MAD1L1: variants seen among roughly 807,000 people sequenced by gnomAD.
The protein encoded by MAD1L1 is mitotic arrest deficient 1 like 1, also known as mitotic spindle assembly checkpoint protein MAD1.
Under a neutral mutation model 96.9 loss-of-function variants are expected in MAD1L1, and 95 were observed. That is an observed-to-expected ratio of 0.98 (90% CI 0.83 to 1.16). MAD1L1 has a LOEUF of 1.16. Among genes scored for constraint, MAD1L1 ranks in the 50% most tolerant of loss-of-function variants. The pLI is 0.00. For missense variants in MAD1L1, 1,007 were observed against 954.4 expected, an observed-to-expected ratio of 1.06 and a Z score of -0.73; for synonymous variants, 473 against 396.6, an observed-to-expected ratio of 1.19 and a Z score of -2.29.
intron 12 of MAD1L1, among the ~76,000 whole-genome samples, chr7:2,068,398 G>A (rs1584244339): frequency 6.6e-6 from 1 of 152,230 alleles, no homozygotes; most frequent in South Asian, 2.1e-4. Flanking sequence ...CAGCAGCAAA[G>A]AGGCTTGGTT....
intron 17 of MAD1L1, among the ~76,000 whole-genome samples, chr7:1,919,795 G>C (rs1788661858): frequency 6.6e-6 from 1 of 152,272 alleles, no homozygotes; most frequent in South Asian, 2.1e-4. Context: ...AGCTGACAGT[G>C]TGTGGCAACC....
chr7:1,841,073 C>A (rs1228493430), intron 18 of MAD1L1, among the ~76,000 whole-genome samples: 2 of 152,206 alleles, frequency 1.3e-5, no homozygotes, highest in Admixed American at 1.3e-4. Flanking sequence ...CGCTCCCGGG[C>A]CGGCTCTACT....
intron 17 of MAD1L1, 31 bp from the exon 18 acceptor site, chr7:1,898,421 G>A (rs776556422): frequency 2.5e-6 from 4 of 1,600,442 alleles, no homozygotes; most frequent in Admixed American, 1.7e-5. Flanking sequence ...GACAGTGAGT[G>A]CGGCACCAGG....
chr7:2,115,333 T>C (rs1787616206), intron 11 of MAD1L1, among the ~76,000 whole-genome samples: 1 of 140,006 alleles, frequency 7.1e-6, no homozygotes, highest in Non-Finnish European at 1.5e-5. Flanking sequence ...TCCCCACGTG[T>C]TCCGGGGTCA....
chr7:1,874,399 T>C (rs1002068114), intron 18 of MAD1L1: 17 of 401,804 alleles, frequency 4.2e-5, no homozygotes, highest in South Asian at 2.9e-4. Context: ...GGGACGGGGG[T>C]AAGACGGTGG....
chr7:1,861,393 C>T (rs201181677), intron 18 of MAD1L1, among the ~76,000 whole-genome samples: 12 of 152,294 alleles, frequency 7.9e-5, no homozygotes, highest in East Asian at 7.7e-4. Flanking sequence ...TAAACAGAAG[C>T]GTCACTGCTC....
chr7:2,114,322 G>A lies in MAD1L1; in HGVS notation c.1073+34830C>T, dbSNP rs143170435. Among the ~76,000 whole-genome samples, 4 of 152,202 alleles carry A rather than the reference G, an allele frequency of 2.6e-5. No individual in the cohort carries two copies. The highest frequency in any genetic ancestry group is 3.9e-4 in the East Asian group (2 of 5,168). On this transcript the variant is annotated intron_variant, in intron 11 of 18. Transcript: ENST00000265854. This position sits in a 1 kb window ranked among gnomAD's most constrained non-coding sequence, Gnocchi z 4.2. ...GCGGGAGAGCCCTGAGCCAGCCCAC[G>A]GTCTGAGCAGGGAACCAGGGGGCCT...
At chr7:2,118,476 C>T (rs1315036974) in intron 11 of MAD1L1, among the ~76,000 whole-genome samples, 1 of 152,256 alleles carries the variant, frequency 6.6e-6, no homozygotes, top group Admixed American at 6.5e-5. Flanking sequence ...GCGCGGTGAG[C>T]ACACAGGGGT....
intron 12 of MAD1L1, among the ~76,000 whole-genome samples, chr7:2,066,550 G>A (rs1784883360): frequency 6.6e-6 from 1 of 152,208 alleles, no homozygotes. Context: ...GCTGGCGCGG[G>A]CCAGAAAGTG....
rs987359374 is a variant in MAD1L1, at chr7:2,119,631, T to G, written c.1073+29521A>C. 1.3e-5 allele frequency among the ~76,000 whole-genome samples: 2 copies of G among 152,172 alleles called. No homozygotes were observed. Among genetic ancestry groups the G allele is most frequent in the Non-Finnish European group, 2.9e-5 (2 of 68,020 alleles). ...GACTTAGTGGCAGGTGGGCTACAGC[T>G]GCAGGACAGAGGGCTGGAGCTCTGG... On this transcript the variant is annotated intron_variant, in intron 11 of 18. Coordinates refer to ENST00000265854, the MANE Select transcript of MAD1L1 (RefSeq NM_001013836.2). This position sits in a 1 kb window ranked among gnomAD's most constrained non-coding sequence, Gnocchi z 4.6.
At chr7:2,052,112 G>A (rs955949347) in intron 12 of MAD1L1, among the ~76,000 whole-genome samples, 10 of 152,096 alleles carry the variant, frequency 6.6e-5, no homozygotes, top group South Asian at 2.1e-4. Flanking sequence ...CCCACGCTCC[G>A]CACACATCAG....
intron 11 of MAD1L1, among the ~76,000 whole-genome samples, chr7:2,116,701 G>A (rs1184394181): frequency 6.6e-6 from 1 of 152,054 alleles, no homozygotes; most frequent in East Asian, 1.9e-4. Context: ...AACCAGAGAA[G>A]AAGCCTGAGG....
intron 17 of MAD1L1, among the ~76,000 whole-genome samples, chr7:1,915,749 C>T (rs935781443): frequency 2.0e-5 from 3 of 152,264 alleles, no homozygotes; most frequent in Non-Finnish European, 2.9e-5. Flanking sequence ...CCAAAACGAC[C>T]CAATGTCCAC....
intron 18 of MAD1L1, among the ~76,000 whole-genome samples, chr7:1,825,120 A>T (rs1782324686): frequency 6.6e-6 from 1 of 152,210 alleles, no homozygotes; most frequent in Admixed American, 6.5e-5. Flanking sequence ...GGAAAAATGT[A>T]TATCTAAATT....
intron 18 of MAD1L1, among the ~76,000 whole-genome samples, chr7:1,818,504 G>C (rs1313248017): frequency 5.3e-5 from 8 of 152,144 alleles, no homozygotes; most frequent in Admixed American, 4.6e-4. Context: ...TCAGCCTCCT[G>C]AGCAGTTGGA....
chr7:2,104,365 G>T (rs146949455), intron 11 of MAD1L1, among the ~76,000 whole-genome samples: 1 of 152,232 alleles, frequency 6.6e-6, no homozygotes. Flanking sequence ...AAGGAGAGCC[G>T]TCACGGCGGC....
chr7:2,032,680 G>A (rs1418486797), intron 12 of MAD1L1, among the ~76,000 whole-genome samples: 2 of 152,234 alleles, frequency 1.3e-5, no homozygotes, highest in African/African-American at 4.8e-5. Flanking sequence ...CACCAGGCTC[G>A]AGGGACCCTG....
intron 18 of MAD1L1, among the ~76,000 whole-genome samples, chr7:1,835,928 T>A (rs532208501): frequency 2.0e-5 from 3 of 152,242 alleles, no homozygotes; most frequent in Non-Finnish European, 2.9e-5. Flanking sequence ...GCCATGGCAT[T>A]TGTAAGCTGT....
At chr7:1,928,370 T>A (rs1055407667) in intron 17 of MAD1L1, among the ~76,000 whole-genome samples, 2 of 149,680 alleles carry the variant, frequency 1.3e-5, no homozygotes, top group Non-Finnish European at 3.0e-5. Flanking sequence ...CAGACACTGC[T>A]CCCCACCACC....
Sources: allele counts gnomAD v4.1 joint callset (sites outside exome capture counted in the v4.1 genomes callset), GRCh38; gene constraint gnomAD v4.1.1; non-coding constraint Gnocchi (gnomAD v3.1); transcripts MANE v1.5; gene names NCBI Gene and HGNC (gene_info 2026-07-23, HGNC 2026-07-21).